DPP6: variants seen among roughly 807,000 people sequenced by gnomAD.
The protein encoded by DPP6 is A-type potassium channel modulatory protein DPP6.
A neutral mutation model predicts 122.6 loss-of-function variants in DPP6; 69 were observed. That is an observed-to-expected ratio of 0.56 (90% CI 0.46 to 0.69). DPP6 has a LOEUF of 0.69. DPP6 is among the 30% of genes least tolerant of loss of function. The pLI, the probability that DPP6 is intolerant of heterozygous loss-of-function variation, is 0.00. For synonymous variants in DPP6, 418 were observed against 433.1 expected (o/e 0.97, Z 0.43); for missense variants, 928 against 1,116.9 (o/e 0.83, Z 2.41).
At chr7:153,842,731 A>T in the DPP6 span, among the ~76,000 whole-genome samples, 1 of 152,142 alleles carries the variant, frequency 6.6e-6, no homozygotes, top group African/African-American at 2.4e-5. Context: ...TTCTTCACTG[A>T]TTGATTGGAA....
chr7:154,127,525 A>G (rs1389855344), intron 1 of DPP6, among the ~76,000 whole-genome samples: 3 of 151,830 alleles, frequency 2.0e-5, no homozygotes, highest in Admixed American at 6.6e-5. Flanking sequence ...AGTCCAGCCC[A>G]GGACTGCTAT....
intron 4 of DPP6, among the ~76,000 whole-genome samples, chr7:154,554,507 T>C (rs998709950): frequency 1.3e-5 from 2 of 152,204 alleles, no homozygotes; most frequent in Non-Finnish European, 2.9e-5. Flanking sequence ...AACCACCTTT[T>C]CTTCTCTGCA....
chr7:154,071,468 A>G (rs138532445), intron 1 of DPP6, among the ~76,000 whole-genome samples: 7,280 of 152,160 alleles, frequency 0.048, 462 homozygotes, highest in African/African-American at 0.16. Context: ...ACATGTTAGA[A>G]TGTCACATCT....
chr7:153,795,724 C>T, the DPP6 span, among the ~76,000 whole-genome samples: 65,532 of 151,362 alleles, frequency 0.43, 14,458 homozygotes, highest in South Asian at 0.54. Context: ...TCTATTCTAA[C>T]GTAGACATTT....
At chr7:153,808,419 CTG>C in the DPP6 span, among the ~76,000 whole-genome samples, 9 of 151,264 alleles carry the variant, frequency 5.9e-5, no homozygotes, top group East Asian at 7.8e-4. Context: ...GTATGTGTGT[CTG>C]TGTGTGTGAC....
intron 1 of DPP6, among the ~76,000 whole-genome samples, chr7:154,018,142 C>A (rs1292093525): frequency 1.3e-5 from 2 of 151,946 alleles, no homozygotes; most frequent in Non-Finnish European, 2.9e-5. Context: ...TCCATCAAGA[C>A]AAGGCCACCA....
At chr7:154,096,756 A>G (rs1321002086) in intron 1 of DPP6, among the ~76,000 whole-genome samples, 2 of 152,228 alleles carry the variant, frequency 1.3e-5, no homozygotes, top group Non-Finnish European at 1.5e-5. Context: ...TAATGACTAT[A>G]CTAGATTTGC....
intron 1 of DPP6, among the ~76,000 whole-genome samples, chr7:154,300,968 A>T (rs1026057457): frequency 6.6e-6 from 1 of 152,296 alleles, no homozygotes; most frequent in East Asian, 1.9e-4. Context: ...TGATGTCCTT[A>T]TAAGAAGAGA....
At chr7:153,916,403 C>G (rs909531666) in intron 1 of DPP6, among the ~76,000 whole-genome samples, 2 of 138,232 alleles carry the variant, frequency 1.4e-5, no homozygotes, top group East Asian at 2.3e-4. Flanking sequence ...CCTCTCCTCC[C>G]CTCCTCTCTC....
the DPP6 span, among the ~76,000 whole-genome samples, chr7:153,881,951 A>G: frequency 6.6e-6 from 1 of 152,162 alleles, no homozygotes; most frequent in African/African-American, 2.4e-5. Flanking sequence ...TGTTGTCCAT[A>G]TTGTTAATTT....
rs115689384 is a variant in DPP6 at position 154,662,218 on chromosome 7, G to A, written c.681-7142G>A. On this transcript the variant is annotated intron_variant, in intron 6 of 25. Transcript: ENST00000377770. ...GTGGCATATTGGCCGTAGCGTTCACGCAGTCATGGTGAATCACCATGGCGT... is the reference window on the plus strand; with the variant it reads ...GTGGCATATTGGCCGTAGCGTTCACACAGTCATGGTGAATCACCATGGCGT... Among the ~76,000 whole-genome samples the A allele has an allele frequency of 0.018, 2,480 of 139,384 alleles. 94 individuals carry two copies. In the East Asian group the frequency reaches 0.19, roughly 11 times the overall value. The allele number at this position is 139,384 out of a possible 152,430, so 91.4% of individuals were successfully genotyped here.
chr7:154,527,441 A>G (rs1326940929), intron 3 of DPP6, among the ~76,000 whole-genome samples: 1 of 152,210 alleles, frequency 6.6e-6, no homozygotes, highest in African/African-American at 2.4e-5. Flanking sequence ...TTAATATTTT[A>G]TGACCATAAT....
intron 3 of DPP6, among the ~76,000 whole-genome samples, chr7:154,479,596 G>T (rs941245991): frequency 2.2e-5 from 3 of 135,220 alleles, no homozygotes; most frequent in Non-Finnish European, 3.3e-5. Context: ...AAAAAGAAAA[G>T]GCTCACTCTG....
chr7:153,902,585 A>G (rs1296145181), intron 1 of DPP6, among the ~76,000 whole-genome samples: 3 of 152,208 alleles, frequency 2.0e-5, no homozygotes, highest in African/African-American at 7.2e-5. Flanking sequence ...CTGTAATCCC[A>G]GCACTTTGGG....
At chr7:154,185,809 T>C (rs1412142002) in intron 1 of DPP6, among the ~76,000 whole-genome samples, 1 of 152,230 alleles carries the variant, frequency 6.6e-6, no homozygotes, top group Non-Finnish European at 1.5e-5. Flanking sequence ...AAAGATGAGA[T>C]AATATGAGTA....
chr7:153,824,572 C>T, the DPP6 span, among the ~76,000 whole-genome samples: 144,377 of 151,854 alleles, frequency 0.95, 68,702 homozygotes, highest in East Asian at 0.99. Flanking sequence ...TAGTCTCAGC[C>T]ACTCGGGAGG....
At chr7:154,332,595 G>A (rs544030190) in intron 1 of DPP6, among the ~76,000 whole-genome samples, 2 of 152,332 alleles carry the variant, frequency 1.3e-5, no homozygotes, top group East Asian at 3.9e-4. Flanking sequence ...AAGTGCCAGC[G>A]CATTTGCCAA....
intron 5 of DPP6, among the ~76,000 whole-genome samples, chr7:154,636,081 G>T (rs1465923089): frequency 1.3e-5 from 2 of 151,496 alleles, no homozygotes; most frequent in Non-Finnish European, 2.9e-5. Flanking sequence ...TTCTCTTTCT[G>T]TGCCTCAGTT....
At chr7:154,573,693 C>A (rs1430512950) in intron 5 of DPP6, among the ~76,000 whole-genome samples, 8 of 152,192 alleles carry the variant, frequency 5.3e-5, no homozygotes, top group Non-Finnish European at 8.8e-5. Flanking sequence ...ATGAGATTAT[C>A]AAAAATGGTC....
Sources: gnomAD v4.1 joint callset for allele counts (sites outside exome capture counted in the v4.1 genomes callset) on GRCh38, gnomAD v4.1.1 for gene constraint, MANE v1.5 for transcripts, NCBI Gene and HGNC (gene_info 2026-07-23, HGNC 2026-07-21) for gene names.